The following KCNIP1 variants were observed in gnomAD, a reference collection of about 807,000 sequenced individuals.
KCNIP1 encodes A-type potassium channel modulatory protein KCNIP1.
A neutral mutation model predicts 33.0 loss-of-function variants in KCNIP1; 18 were observed. That is an observed-to-expected ratio of 0.55 (90% confidence interval 0.38 to 0.81). KCNIP1 has a LOEUF of 0.81. KCNIP1 is among the 30% of genes least tolerant of loss of function. The probability of loss-of-function intolerance (pLI) is 0.00; values close to 1 mark genes in which losing one functional copy is unlikely to be tolerated. For synonymous variants in KCNIP1, 93 were observed against 98.3 expected (o/e 0.95, Z 0.32); for missense variants, 238 against 271.6 (o/e 0.88, Z 0.87).
intron 1 of KCNIP1, among the ~76,000 whole-genome samples, chr5:170,401,518 G>A (rs754690865): frequency 2.0e-5 from 3 of 152,118 alleles, no homozygotes; most frequent in Non-Finnish European, 2.9e-5. Flanking sequence ...AATCCCAGCA[G>A]TTTGGGAAGC....
intron 1 of KCNIP1, among the ~76,000 whole-genome samples, chr5:170,455,389 G>C (rs1275251367): frequency 6.6e-6 from 1 of 151,594 alleles, no homozygotes; most frequent in African/African-American, 2.4e-5. Flanking sequence ...GCCCAGGCTA[G>C]AGTGCAGTGG....
chr5:170,609,790 G>A (rs978626359), intron 1 of KCNIP1, among the ~76,000 whole-genome samples: 7 of 152,144 alleles, frequency 4.6e-5, no homozygotes, highest in East Asian at 1.9e-4. Context: ...CCAGAAATTC[G>A]AGGTTGCAGT....
intron 1 of KCNIP1, among the ~76,000 whole-genome samples, chr5:170,698,383 G>T (rs1262976175): frequency 6.6e-6 from 1 of 152,174 alleles, no homozygotes; most frequent in Admixed American, 6.5e-5. Flanking sequence ...AAGAACATGG[G>T]CTTTGGCATC....
chr5:170,606,659 C>T (rs1758931381), intron 1 of KCNIP1, among the ~76,000 whole-genome samples: 2 of 152,106 alleles, frequency 1.3e-5, no homozygotes, highest in Admixed American at 1.3e-4. Context: ...GCCGTGAGAC[C>T]TGTCTAGTGC....
chr5:170,665,310 A>C (rs2113757426), intron 1 of KCNIP1, among the ~76,000 whole-genome samples: 1 of 152,222 alleles, frequency 6.6e-6, no homozygotes, highest in South Asian at 2.1e-4. Context: ...TCCAGCAGAC[A>C]GATTTATTTA....
chr5:170,720,190 T>G (rs1235366042), intron 2 of KCNIP1, 131 bp from the exon 3 acceptor site: 3 of 673,028 alleles, frequency 4.5e-6, no homozygotes, highest in Non-Finnish European at 8.1e-6. Flanking sequence ...TGGCACTACT[T>G]GGGAGAAGTG....
At chr5:170,419,354 T>G (rs1755417452) in intron 1 of KCNIP1, among the ~76,000 whole-genome samples, 1 of 152,124 alleles carries the variant, frequency 6.6e-6, no homozygotes, top group Non-Finnish European at 1.5e-5. Flanking sequence ...GGAAGTCAAG[T>G]AAACACCAAA....
rs757607261 is a variant in KCNIP1 at position 170,626,768 on chromosome 5, T to C, written c.62-91990T>C. Among the ~76,000 whole-genome samples the C allele has an allele frequency of 5.2e-4, 79 of 152,334 alleles. 2 individuals are homozygous for C. Among genetic ancestry groups the C allele is most frequent in the Non-Finnish European group, 9.7e-4 (66 of 68,030 alleles). ...TGAGGCTGCCGCACAAGTTGCGTGTTGTGACATTTGTCTTCTGGAGGGGAT... is the reference window on the plus strand; with the variant it reads ...TGAGGCTGCCGCACAAGTTGCGTGTCGTGACATTTGTCTTCTGGAGGGGAT... On this transcript the variant is annotated intron_variant, in intron 1 of 7. Coordinates refer to ENST00000328939, the MANE Select transcript of KCNIP1 (RefSeq NM_014592.4).
chr5:170,506,072 T>C (rs1754705232), intron 1 of KCNIP1, among the ~76,000 whole-genome samples: 1 of 152,168 alleles, frequency 6.6e-6, no homozygotes, highest in South Asian at 2.1e-4. Context: ...TTCTCCCTCA[T>C]CATCTGTCTG....
At chr5:170,595,713 G>C (rs547918224) in intron 1 of KCNIP1, among the ~76,000 whole-genome samples, 1 of 152,244 alleles carries the variant, frequency 6.6e-6, no homozygotes, top group South Asian at 2.1e-4. Flanking sequence ...TTTTACAGAG[G>C]GCAAGCTAAA....
intron 1 of KCNIP1, among the ~76,000 whole-genome samples, chr5:170,423,468 G>A (rs1755541718): frequency 1.3e-5 from 2 of 152,062 alleles, no homozygotes; most frequent in African/African-American, 4.8e-5. Context: ...CCTGAATTTG[G>A]AGATATAATA....
rs527269243 is a variant in KCNIP1, at chr5:170,514,327, C to T, written c.61+9694C>T. ...GCACTTTCTCTCCATCTCTGGGATT[C>T]GCCCATGTATGACTCTCCCAGATGT... On this transcript the variant is annotated intron_variant, in intron 1 of 7. Coordinates refer to ENST00000328939, the MANE Select transcript of KCNIP1 (RefSeq NM_014592.4). Among the ~76,000 whole-genome samples, 393 of 152,290 alleles carry T rather than the reference C, an allele frequency of 2.6e-3. 2 individuals are homozygous for T. The highest frequency in any genetic ancestry group is 4.6e-3 in the Non-Finnish European group (310 of 68,016).
chr5:170,627,996 T>G (rs1036579832), intron 1 of KCNIP1, among the ~76,000 whole-genome samples: 1 of 152,164 alleles, frequency 6.6e-6, no homozygotes, highest in African/African-American at 2.4e-5. Context: ...GCTAATCTCA[T>G]AGGTGTCAGG....
At chr5:170,584,264 A>T (rs1036110371) in intron 1 of KCNIP1, among the ~76,000 whole-genome samples, 43 of 152,194 alleles carry the variant, frequency 2.8e-4, no homozygotes, top group African/African-American at 9.9e-4. Flanking sequence ...TGCTTCTTAG[A>T]AATTCTGATT....
chr5:170,504,024 C>T lies in KCNIP1; in HGVS notation c.-549C>T. 1 of 984,076 alleles carries T rather than the reference C, an allele frequency of 1.0e-6. No individual in the cohort carries two copies. Among genetic ancestry groups the T allele is most frequent in the South Asian group, 4.6e-5 (1 of 21,600 alleles). 61.0% of individuals were successfully genotyped at this position (984,076 alleles called of 1,614,324 possible). A position where few individuals can be genotyped will look rare whatever the true frequency, so the allele number is the denominator to read the frequency against. On this transcript the variant is annotated 5_prime_UTR_variant, in exon 1 of 8. Coordinates refer to ENST00000328939, the MANE Select transcript of KCNIP1 (RefSeq NM_014592.4). This position sits in a 1 kb window ranked among gnomAD's most constrained non-coding sequence, Gnocchi z 6.0. ...CGCCGCCCCCTCCGCCGCTCCGACT[C>T]TCGCCCCGAGCGCTGGCAGCAGGCA...
intron 1 of KCNIP1, among the ~76,000 whole-genome samples, chr5:170,387,181 A>G (rs1764510528): frequency 6.6e-6 from 1 of 152,190 alleles, no homozygotes; most frequent in Non-Finnish European, 1.5e-5. Context: ...TTTTAGGGGA[A>G]ATTTTAGGGG....
chr5:170,441,802 A>G (rs1187490194), intron 1 of KCNIP1, among the ~76,000 whole-genome samples: 1 of 151,954 alleles, frequency 6.6e-6, no homozygotes, highest in African/African-American at 2.4e-5. Flanking sequence ...ATACAAAAAA[A>G]CTAGCTGGGC....
intron 1 of KCNIP1, among the ~76,000 whole-genome samples, chr5:170,505,421 A>G (rs1171079156): frequency 6.6e-6 from 1 of 152,118 alleles, no homozygotes; most frequent in Non-Finnish European, 1.5e-5. Context: ...TTCAAAAGTT[A>G]GTGGTTGGAA....
At chr5:170,663,075 C>T (rs1007012267) in intron 1 of KCNIP1, among the ~76,000 whole-genome samples, 1 of 152,204 alleles carries the variant, frequency 6.6e-6, no homozygotes, top group Non-Finnish European at 1.5e-5. Flanking sequence ...GGGAAGAAGA[C>T]ACTGGGGAAA....
Sources: allele counts gnomAD v4.1 joint callset (sites outside exome capture counted in the v4.1 genomes callset), GRCh38; gene constraint gnomAD v4.1.1; non-coding constraint Gnocchi (gnomAD v3.1); transcripts MANE v1.5; gene names NCBI Gene and HGNC (gene_info 2026-07-23, HGNC 2026-07-21).